PDLIM4: variants seen among roughly 807,000 people sequenced by gnomAD.
PDLIM4 encodes the protein PDZ and LIM domain 4.
A neutral mutation model predicts 31.3 loss-of-function variants in PDLIM4; 19 were observed. The observed-to-expected ratio is 0.61, with a 90% CI of 0.42 to 0.89. PDLIM4 has a LOEUF of 0.89. Ranked by LOEUF, PDLIM4 falls within the 40% of genes least tolerant of loss-of-function variation. PDLIM4 has a pLI of 0.00. For synonymous variants in PDLIM4, 176 were observed against 190.1 expected, an observed-to-expected ratio of 0.93 and a Z score of 0.61; for missense variants, 442 against 461.1, an observed-to-expected ratio of 0.96 and a Z score of 0.38.
intron 2 of PDLIM4, 32 bp from the exon 3 acceptor site, chr5:132,266,432 G>T (rs754395295): frequency 6.8e-7 from 1 of 1,462,242 alleles, no homozygotes; most frequent in Non-Finnish European, 9.6e-7. Context: ...CGTGGTAGGA[G>T]ACATATCTGA....
intron 4 of PDLIM4, 54 bp from the exon 5 acceptor site, chr5:132,271,249 A>T (rs866240016): frequency 6.5e-7 from 1 of 1,546,724 alleles, no homozygotes. Flanking sequence ...CCAAGTCCAC[A>T]GGGTGAAGGC....
chr5:132,270,602 T>C (rs1353130326), intron 3 of PDLIM4: 1 of 460,012 alleles, frequency 2.2e-6, no homozygotes, highest in Non-Finnish European at 4.0e-6. Context: ...GCCCCAGTAC[T>C]GTCCCTTCCT....
chr5:132,265,581 T>A (rs1454549441), intron 2 of PDLIM4, among the ~76,000 whole-genome samples: 2 of 152,058 alleles, frequency 1.3e-5, no homozygotes, highest in Non-Finnish European at 2.9e-5. Flanking sequence ...ATAGATAGAT[T>A]ATTAAAACCC....
chr5:132,271,762 G>A (rs555841710), intron 5 of PDLIM4, 29 bp from the exon 6 acceptor site: 5 of 1,471,786 alleles, frequency 3.4e-6, no homozygotes, highest in Admixed American at 1.7e-5. Context: ...TCCTCACCCC[G>A]TTCATGCCAC....
chr5:132,265,669 G>A (rs540245707), intron 2 of PDLIM4, among the ~76,000 whole-genome samples: 2 of 152,286 alleles, frequency 1.3e-5, no homozygotes, highest in Middle Eastern at 3.4e-3. Flanking sequence ...AGGAGGCTTC[G>A]TGGGGTGAGT....
chr5:132,271,334 C>G lies in PDLIM4; in HGVS notation c.538C>G (p.Arg180Gly), dbSNP rs747690565. ...ADPARGLPRS[R>G]DCRVDLGSEV... is the part of the protein sequence containing the mutation. ...CCCAGCCAGAGGCCTCCCGCGGAGC[C>G]GGGACTGCAGAGTCGACCTGGGCTC... The change falls in exon 5 of 7, where the codon CGG becomes GGG. Residue 180 changes from arginine (R) to glycine (G), a missense_variant. Transcript: ENST00000253754. The G allele has an allele frequency of 1.3e-6, 2 of 1,598,778 alleles. No homozygotes were observed. Among genetic ancestry groups the G allele is most frequent in the Non-Finnish European group, 1.7e-6 (2 of 1,174,296 alleles).
chr5:132,257,786 G>A lies in PDLIM4; in HGVS notation c.52G>A (p.Val18Met), dbSNP rs765591363. The A allele has an allele frequency of 1.3e-6, 2 of 1,506,354 alleles. No individual in the cohort carries two copies. Among genetic ancestry groups the A allele is most frequent in the Admixed American group, 2.1e-5 (1 of 48,534 alleles). The allele number at this position is 1,506,354 out of a possible 1,614,324, so 93.3% of individuals were successfully genotyped here. Residue 18 changes from valine (V) to methionine (M), a missense_variant, in exon 1 of 7, where the codon GTG (valine) becomes ATG (methionine). Coordinates refer to ENST00000253754, the MANE Select transcript of PDLIM4 (RefSeq NM_003687.4). This position sits in a 1 kb window ranked among gnomAD's most constrained non-coding sequence, Gnocchi z 4.3. ...GCCTTCGCCCTGGGGCTTCCGCCTG[G>A]TGGGCGGCCGGGACTTCAGCGCGCC... ...RGPSPWGFRL[V>M]GGRDFSAPLT...
At chr5:132,268,954 T>C (rs1226527522) in intron 3 of PDLIM4, among the ~76,000 whole-genome samples, 1 of 152,132 alleles carries the variant, frequency 6.6e-6, no homozygotes, top group African/African-American at 2.4e-5. Context: ...GGCCCAGGAA[T>C]TCCCCTGACA....
At chr5:132,261,926 C>A (rs1490338788) in intron 1 of PDLIM4, among the ~76,000 whole-genome samples, 1 of 152,114 alleles carries the variant, frequency 6.6e-6, no homozygotes. Flanking sequence ...GTCATGGGAG[C>A]ACACTGGGTA....
At chr5:132,267,497 C>T (rs1476081376) in intron 3 of PDLIM4, among the ~76,000 whole-genome samples, 1 of 152,212 alleles carries the variant, frequency 6.6e-6, no homozygotes, top group Admixed American at 6.5e-5. Context: ...CTTAGAAGTT[C>T]TGGGCTAGGG....
At chr5:132,269,293 G>T (rs1277577434) in intron 3 of PDLIM4, among the ~76,000 whole-genome samples, 1 of 151,726 alleles carries the variant, frequency 6.6e-6, no homozygotes, top group Non-Finnish European at 1.5e-5. Flanking sequence ...CTTCCTCCCA[G>T]TCCCAGTCCC....
intron 5 of PDLIM4, 111 bp from the exon 6 acceptor site, chr5:132,271,680 G>A (rs769708462): frequency 7.2e-6 from 7 of 975,108 alleles, no homozygotes; most frequent in South Asian, 2.6e-5. Context: ...CGCCAAACCC[G>A]TTCCCCAGTC....
chr5:132,266,150 G>T (rs1756487005), intron 2 of PDLIM4, among the ~76,000 whole-genome samples: 1 of 152,236 alleles, frequency 6.6e-6, no homozygotes, highest in Admixed American at 6.5e-5. Flanking sequence ...TTTGAGCTGA[G>T]CTTCTGTAGG....
rs906369300 is a variant in PDLIM4, at chr5:132,271,379, C to T, written c.583C>T (p.Arg195Trp). The T allele has an allele frequency of 2.5e-6, 4 of 1,606,520 alleles. No individual in the cohort carries two copies. Among genetic ancestry groups the T allele is most frequent in the Non-Finnish European group, 3.4e-6 (4 of 1,179,516 alleles). ...DLGSEVYRML[R>W]EPAEPVAAEP... The stretch of plus-strand genomic sequence containing the variant: ...GGGCTCCGAGGTGTACAGGATGCTG[C>T]GGGAGCCAGCCGAGCCCGTGGCCGC... The change falls in exon 5 of 7, where the codon CGG (arginine) becomes TGG (tryptophan). Residue 195 changes from arginine (R) to tryptophan (W), a missense_variant. By Grantham distance (101) the Arg-to-Trp change is moderately radical. Transcript: ENST00000253754.
In PDLIM4 at chr5:132,262,757, G is replaced by T; in HGVS notation, c.242G>T (p.Ser81Ile). Residue 81 changes from serine (S) to isoleucine (I), a missense_variant, in exon 2 of 7, where the codon AGC (serine) becomes ATC (isoleucine). Coordinates refer to ENST00000253754, the MANE Select transcript of PDLIM4 (RefSeq NM_003687.4). Reference sequence around the variant, plus strand: ...CACGATCACCTCACACTGTCTGTGAGCAGGTATGCACAGGTGGGCTGGGCT... The same window carrying T: ...CACGATCACCTCACACTGTCTGTGATCAGGTATGCACAGGTGGGCTGGGCT... ...GCHDHLTLSVSRPEGRSWPSA... is the reference protein window; with the variant it reads ...GCHDHLTLSVIRPEGRSWPSA... 1 of 1,613,168 alleles carries T rather than the reference G, an allele frequency of 6.2e-7. No individual in the cohort carries two copies.
At chr5:132,261,204 G>C (rs904435833) in intron 1 of PDLIM4, among the ~76,000 whole-genome samples, 5 of 152,230 alleles carry the variant, frequency 3.3e-5, no homozygotes, top group Non-Finnish European at 7.3e-5. Context: ...GTGGGATGGT[G>C]CCAAGTGGGT....
At chr5:132,259,752 G>A (rs1756333508) in intron 1 of PDLIM4, among the ~76,000 whole-genome samples, 1 of 152,198 alleles carries the variant, frequency 6.6e-6, no homozygotes, top group African/African-American at 2.4e-5. Context: ...AGACAGGGAG[G>A]AGGCTATCGG....
intron 6 of PDLIM4, 56 bp from the exon 7 acceptor site, chr5:132,271,969 C>T (rs1464305967): frequency 1.0e-5 from 16 of 1,591,928 alleles, no homozygotes; most frequent in Non-Finnish European, 1.4e-5. Context: ...TGGATGCGGG[C>T]GCAGTCGTGA....
chr5:132,261,732 T>C (rs983992992), intron 1 of PDLIM4, among the ~76,000 whole-genome samples: 3 of 152,126 alleles, frequency 2.0e-5, no homozygotes, highest in Non-Finnish European at 4.4e-5. Flanking sequence ...GAGGGGTCAA[T>C]AGTGGCACTG....
Sources: gnomAD v4.1 joint callset for allele counts (sites outside exome capture counted in the v4.1 genomes callset) on GRCh38, gnomAD v4.1.1 for gene constraint, Gnocchi (gnomAD v3.1) non-coding constraint, MANE v1.5 for transcripts, NCBI Gene and HGNC (gene_info 2026-07-23, HGNC 2026-07-21) for gene names.